Variants in DGKB observed in about 807,000 individuals in gnomAD.
DGKB encodes the protein 90 kDa diacylglycerol kinase.
A neutral mutation model predicts 114.3 loss-of-function variants in DGKB; 67 were observed. That is an observed-to-expected ratio of 0.59 (90% CI 0.48 to 0.72). DGKB has a LOEUF of 0.72. DGKB is among the 30% of genes least tolerant of loss of function. The pLI is 0.00. For missense variants in DGKB, 907 were observed against 975.2 expected (o/e 0.93, Z 0.93); for synonymous variants, 398 against 323.1 (o/e 1.23, Z -2.49).
At chr7:14,596,152 A>G (rs562503023) in intron 17 of DGKB, among the ~76,000 whole-genome samples, 1 of 152,282 alleles carries the variant, frequency 6.6e-6, no homozygotes, top group African/African-American at 2.4e-5. Context: ...TGTAGAGCTG[A>G]TATAGGCTGT....
At chr7:14,623,308 A>G (rs1037899206) in intron 14 of DGKB, among the ~76,000 whole-genome samples, 15 of 152,098 alleles carry the variant, frequency 9.9e-5, no homozygotes, top group African/African-American at 3.1e-4. Context: ...TAGTTCCTAT[A>G]TTTGCTTGTT....
At chr7:14,749,979 G>T (rs1342662268) in intron 4 of DGKB, among the ~76,000 whole-genome samples, 1 of 152,122 alleles carries the variant, frequency 6.6e-6, no homozygotes, top group Non-Finnish European at 1.5e-5. Context: ...CTAAGTGTAT[G>T]ACACAGTCTT....
intron 21 of DGKB, among the ~76,000 whole-genome samples, chr7:14,372,638 T>C (rs1817844831): frequency 6.6e-6 from 1 of 152,100 alleles, no homozygotes; most frequent in Admixed American, 6.6e-5. Context: ...GAATTACAGA[T>C]GATGATTTCT....
intron 21 of DGKB, among the ~76,000 whole-genome samples, chr7:14,414,823 A>G (rs1825452764): frequency 6.6e-6 from 1 of 152,114 alleles, no homozygotes; most frequent in South Asian, 2.1e-4. Flanking sequence ...TGTGAAGGGC[A>G]CTTAACATTT....
chr7:14,857,071 A>C (rs2128171879), intron 1 of DGKB, among the ~76,000 whole-genome samples: 1 of 152,306 alleles, frequency 6.6e-6, no homozygotes, highest in African/African-American at 2.4e-5. Flanking sequence ...AGGTGCAATC[A>C]AAATTCCTAG....
intron 1 of DGKB, among the ~76,000 whole-genome samples, chr7:14,969,179 C>A (rs148399907): frequency 2.6e-5 from 4 of 152,054 alleles, no homozygotes; most frequent in Non-Finnish European, 5.9e-5. Context: ...TTTCTAGTAT[C>A]GCAAAAAATT....
chr7:14,287,548 C>T (rs73052171), intron 23 of DGKB, among the ~76,000 whole-genome samples: 3,609 of 152,014 alleles, frequency 0.024, 53 homozygotes, highest in South Asian at 0.05. Flanking sequence ...TTATTTCTAC[C>T]GCACGGTCTA....
At position 14,689,199 on chromosome 7, in the gene DGKB, A is replaced by ATTTTTTTTTTTTTTT. The variant is rs551618345; in HGVS notation, c.712-3852_712-3838dup. Among the ~76,000 whole-genome samples, 335 of 76,536 alleles carry ATTTTTTTTTTTTTTT rather than the reference A, an allele frequency of 4.4e-3. 58 individuals carry two copies. The highest frequency in any genetic ancestry group is 0.026 in the East Asian group (37 of 1,426). The allele number at this position is 76,536 out of a possible 152,430, so 50.2% of individuals were successfully genotyped here. Reference sequence around the variant, plus strand: ...TGACAATGTGACAGAAACTCCTCTTATTTTTTTTTTTTTTTTTTTTTTTTT... The same window carrying ATTTTTTTTTTTTTTT: ...TGACAATGTGACAGAAACTCCTCTTATTTTTTTTTTTTTTTTTTTTTTTTTTTTTTTTTTTTTTTT... On this transcript the variant is annotated intron_variant, in intron 9 of 25. Coordinates refer to ENST00000402815, the MANE Select transcript of DGKB (RefSeq NM_001350709.2).
chr7:14,828,391 C>G (rs149186048), intron 2 of DGKB, among the ~76,000 whole-genome samples: 19 of 152,164 alleles, frequency 1.2e-4, no homozygotes, highest in African/African-American at 4.3e-4. Context: ...AGGCAAAGAT[C>G]ATAAATCAAC....
At chr7:14,685,399 G>A (rs762472794) in intron 9 of DGKB, 37 bp from the exon 10 acceptor site, 2 of 1,424,068 alleles carry the variant, frequency 1.4e-6, no homozygotes, top group Non-Finnish European at 2.0e-6. Context: ...TTCACTTAAT[G>A]AAATAAACAG....
intron 23 of DGKB, among the ~76,000 whole-genome samples, chr7:14,193,857 C>G (rs1210676443): frequency 6.6e-6 from 1 of 151,710 alleles, no homozygotes. Flanking sequence ...AAAAAAACCC[C>G]CAAATACCTC....
At chr7:14,791,321 T>C (rs1840635284) in intron 2 of DGKB, among the ~76,000 whole-genome samples, 1 of 152,216 alleles carries the variant, frequency 6.6e-6, no homozygotes. Flanking sequence ...AAGCTGTTTT[T>C]GGAGATTGCT....
chr7:14,181,755 T>C (rs1782665507), intron 23 of DGKB, among the ~76,000 whole-genome samples: 1 of 152,192 alleles, frequency 6.6e-6, no homozygotes, highest in South Asian at 2.1e-4. Flanking sequence ...GAGGAAGACG[T>C]TGCTTTTGTT....
At chr7:14,801,925 T>TATACACACACACAC (rs1554281696) in intron 2 of DGKB, among the ~76,000 whole-genome samples, 22 of 147,958 alleles carry the variant, frequency 1.5e-4, no homozygotes, top group African/African-American at 5.5e-4. Flanking sequence ...TATATACATA[T>TATACACACACACAC]ACACACACAC....
chr7:14,269,656 C>T (rs544730806), intron 23 of DGKB, among the ~76,000 whole-genome samples: 6 of 152,198 alleles, frequency 3.9e-5, no homozygotes, highest in African/African-American at 1.4e-4. Flanking sequence ...AAGACGATAG[C>T]TAGATCAGGA....
chr7:14,287,683 G>A (rs1316028571), intron 23 of DGKB, among the ~76,000 whole-genome samples: 1 of 152,080 alleles, frequency 6.6e-6, no homozygotes, highest in Non-Finnish European at 1.5e-5. Context: ...TTAAAGTTAA[G>A]CATGTTCTTA....
intron 6 of DGKB, among the ~76,000 whole-genome samples, chr7:14,716,514 G>A (rs1001363469): frequency 6.6e-6 from 1 of 152,010 alleles, no homozygotes; most frequent in Non-Finnish European, 1.5e-5. Flanking sequence ...GGTCTATATT[G>A]TATTTAGTAA....
At chr7:14,445,025 A>C (rs779834717) in intron 21 of DGKB, among the ~76,000 whole-genome samples, 3 of 151,908 alleles carry the variant, frequency 2.0e-5, no homozygotes, top group Non-Finnish European at 4.4e-5. Context: ...GAAATATGGC[A>C]TTAATTCTTA....
intron 2 of DGKB, among the ~76,000 whole-genome samples, chr7:14,830,001 G>A (rs1380460061): frequency 6.6e-6 from 1 of 151,956 alleles, no homozygotes; most frequent in African/African-American, 2.4e-5. Context: ...GAGATCACTG[G>A]GCAGTATTTC....
Sources: gnomAD v4.1 joint callset for allele counts (sites outside exome capture counted in the v4.1 genomes callset) on GRCh38, gnomAD v4.1.1 for gene constraint, MANE v1.5 for transcripts, NCBI Gene and HGNC (gene_info 2026-07-23, HGNC 2026-07-21) for gene names.